ALB: variants seen among roughly 807,000 people sequenced by gnomAD.
ALB encodes the protein albumin, also known as serum albumin.
A neutral mutation model predicts 74.5 loss-of-function variants in ALB; 37 were observed. The ratio of observed to expected loss-of-function variants is 0.50; its 90% CI spans 0.38 to 0.65. The LOEUF is 0.65. Ranked by LOEUF, ALB falls within the 30% of genes least tolerant of loss-of-function variation. The pLI is 0.00. For missense variants in ALB, 685 were observed against 718.7 expected, an observed-to-expected ratio of 0.95 and a Z score of 0.54; for synonymous variants, 249 against 251.6, an observed-to-expected ratio of 0.99 and a Z score of 0.10.
rs1718738941 is a variant in ALB, at chr4:73,406,732, G to A, written c.241G>A (p.Glu81Lys). 1 of 1,613,724 alleles carries A rather than the reference G, an allele frequency of 6.2e-7. No homozygotes were observed. The highest frequency in any genetic ancestry group is 1.1e-5 in the South Asian group (1 of 91,074). The change falls in exon 3 of 15, where the codon GAG becomes AAG. Residue 81 changes from glutamate (E) to lysine (K), a missense_variant. Coordinates refer to ENST00000295897, the MANE Select transcript of ALB (RefSeq NM_000477.7). ...ATTTGCAAAAACATGTGTTGCTGAT[G>A]AGTCAGCTGAAAATTGTGACAAATC... Reference protein sequence around the residue: ...TEFAKTCVADESAENCDKSLH... With the variant: ...TEFAKTCVADKSAENCDKSLH...
chr4:73,409,595 G>C, intron 5 of ALB, 108 bp downstream of exon 5: 2 of 1,339,300 alleles, frequency 1.5e-6, no homozygotes, highest in African/African-American at 1.5e-5. Flanking sequence ...TTTCCGACAT[G>C]GTCAAAAAAG....
At chr4:73,406,453 A>G (rs183744889) in intron 2 of ALB, among the ~76,000 whole-genome samples, 176 bp from the exon 3 acceptor site, 104 of 152,346 alleles carry the variant, frequency 6.8e-4, no homozygotes, top group Non-Finnish European at 1.4e-3. Context: ...GTAGGAAGCC[A>G]CATATGCCTA....
At chr4:73,406,022 A>C (rs1718717744) in intron 2 of ALB, among the ~76,000 whole-genome samples, 1 of 152,066 alleles carries the variant, frequency 6.6e-6, no homozygotes, top group Non-Finnish European at 1.5e-5. Flanking sequence ...AGCACTTTGG[A>C]AGGCTGATGC....
At chr4:73,417,134 C>T (rs6810745) in intron 10 of ALB, among the ~76,000 whole-genome samples, 62,137 of 152,010 alleles carry the variant, frequency 0.41, 13,030 homozygotes, top group Admixed American at 0.52. Flanking sequence ...TACTTTACTA[C>T]TTTTAATTTA....
Position 73,406,704 on chromosome 4 carries a change from T to A in ALB, c.213T>A (p.Thr71=). The A allele has an allele frequency of 6.2e-7, 1 of 1,613,960 alleles. No individual in the cohort carries two copies. ...ATGTAAAATTAGTGAATGAAGTAAC[T>A]GAATTTGCAAAAACATGTGTTGCTG... is the stretch of plus-strand genomic sequence containing the variant. The part of the protein sequence containing the change: ...EDHVKLVNEV[T]EFAKTCVADE... The change falls in exon 3 of 15, where the codon ACT becomes ACA. Residue 71 remains threonine, a synonymous_variant. Transcript: ENST00000295897.
At chr4:73,404,551 G>A (rs1218941389) in intron 1 of ALB, 145 bp downstream of exon 1, 1 of 671,010 alleles carries the variant, frequency 1.5e-6, no homozygotes, top group South Asian at 1.8e-5. Flanking sequence ...AGTCTTACAA[G>A]GTTATCTTAT....
intron 5 of ALB, 75 bp from the exon 6 acceptor site, chr4:73,410,237 C>G: frequency 8.8e-7 from 1 of 1,139,936 alleles, no homozygotes; most frequent in Admixed American, 1.7e-5. Context: ...TTGGCACAGT[C>G]TCATCTGAGC....
chr4:73,420,313 G>A lies in ALB; in HGVS notation c.*15G>A. 6.2e-7 allele frequency: 1 copy of A among 1,604,306 alleles called. No individual in the cohort carries two copies. Among genetic ancestry groups the A allele is most frequent in the South Asian group, 1.1e-5 (1 of 90,464 alleles). On this transcript the variant is annotated 3_prime_UTR_variant, in exon 14 of 15. Transcript: ENST00000295897. Reference sequence around the variant, plus strand: ...TAGGCTTATAACATCACATTTAAAAGCATCTCAGGTAACTATATTTTGAAT... The same window carrying A: ...TAGGCTTATAACATCACATTTAAAAACATCTCAGGTAACTATATTTTGAAT...
chr4:73,404,518 G>A (rs1718670289), intron 1 of ALB, 112 bp downstream of exon 1: 1 of 914,252 alleles, frequency 1.1e-6, no homozygotes, highest in Non-Finnish European at 1.8e-6. Context: ...TTTCTAAAAT[G>A]GCATAGTATT....
At chr4:73,413,775 A>T in intron 8 of ALB, 141 bp downstream of exon 8, 2 of 805,208 alleles carry the variant, frequency 2.5e-6, no homozygotes, top group Non-Finnish European at 4.0e-6. Context: ...CCAGGCTTTA[A>T]CAATTTTTGA....
At chr4:73,420,362 G>GTTATTATT in intron 14 of ALB, 41 bp downstream of exon 14, 1 of 1,329,220 alleles carries the variant, frequency 7.5e-7, no homozygotes, top group Non-Finnish European at 1.1e-6. Context: ...AACTATAATA[G>GTTATTATT]TTATTATTAA....
In ALB at chr4:73,408,759, G is replaced by A; in HGVS notation, c.436G>A (p.Val146Met). 6.2e-7 allele frequency: 1 copy of A among 1,614,014 alleles called. No homozygotes were observed. Among genetic ancestry groups the A allele is most frequent in the Non-Finnish European group, 8.5e-7 (1 of 1,179,910 alleles). ...LPRLVRPEVD[V>M]MCTAFHDNEE... is the part of the protein sequence containing the mutation. ...CCGATTGGTGAGACCAGAGGTTGAT[G>A]TGATGTGCACTGCTTTTCATGACAA... Residue 146 changes from valine (V) to methionine (M), a missense_variant, in exon 4 of 15, where the codon GTG becomes ATG. Val to Met is a conservative substitution (Grantham distance 21). Coordinates refer to ENST00000295897, the MANE Select transcript of ALB (RefSeq NM_000477.7).
chr4:73,413,361 G>T, intron 7 of ALB, 59 bp from the exon 8 acceptor site: 1 of 1,454,984 alleles, frequency 6.9e-7, no homozygotes, highest in South Asian at 1.1e-5. Flanking sequence ...ATAAAGGTCT[G>T]AGGAGAAAGT....
Position 73,404,418 on chromosome 4 carries a change from A to G in ALB, c.79+12A>G, listed in dbSNP as rs778598878. 3 of 1,597,532 alleles carry G rather than the reference A, an allele frequency of 1.9e-6. No individual in the cohort carries two copies. Among genetic ancestry groups the G allele is most frequent in the Non-Finnish European group, 2.6e-6 (3 of 1,165,234 alleles). On this transcript the variant is annotated intron_variant, in intron 1 of 14. Coordinates refer to ENST00000295897, the MANE Select transcript of ALB (RefSeq NM_000477.7). The stretch of plus-strand genomic sequence containing the variant: ...TCGTCGAGATGCACGTAAGAAATCC[A>G]TTTTTCTATTGTTCAACTTTTATTC...
At position 73,420,702 on chromosome 4, in the gene ALB, A is replaced by G. The variant is rs896764308; in HGVS notation, c.*23+381A>G. The stretch of plus-strand genomic sequence containing the variant: ...TACTCTGGGAATTAGGCTGAACCAC[A>G]TGAAAGAGTGCTTTATAGGGCAAAA... On this transcript the variant is annotated intron_variant, in intron 14 of 14. Coordinates refer to ENST00000295897, the MANE Select transcript of ALB (RefSeq NM_000477.7). 1.5e-4 allele frequency: 40 copies of G among 272,450 alleles called. No individual in the cohort carries two copies. The Admixed American group carries it at 1.7e-3, about 12-fold the overall frequency. 16.9% of individuals were successfully genotyped at this position (272,450 alleles called of 1,614,324 possible). A position where few individuals can be genotyped will look rare whatever the true frequency, so the allele number is the denominator to read the frequency against.
chr4:73,414,887 G>A, intron 8 of ALB, 148 bp from the exon 9 acceptor site: 2 of 930,176 alleles, frequency 2.2e-6, no homozygotes, highest in Non-Finnish European at 3.3e-6. Context: ...TTTAACTCTG[G>A]ACCCCAAGTC....
Position 73,405,052 on chromosome 4 carries a change from G to A in ALB, c.80-64G>A, listed in dbSNP as rs1043587267. 5.5e-6 allele frequency: 8 copies of A among 1,452,620 alleles called. No individual in the cohort carries two copies. The African/African-American group carries it at 5.6e-5, about 10-fold the overall frequency. 90.0% of individuals were successfully genotyped at this position (1,452,620 alleles called of 1,614,324 possible). ...AGTCAAATGGAAAGAAATATAAAAA[G>A]TAACATTATTACTTCTTGTTTTCTT... On this transcript the variant is annotated intron_variant, in intron 1 of 14. Transcript: ENST00000295897.
chr4:73,419,825 C>T (rs1486095715), intron 13 of ALB, among the ~76,000 whole-genome samples, 186 bp downstream of exon 13: 1 of 152,052 alleles, frequency 6.6e-6, no homozygotes, highest in Non-Finnish European at 1.5e-5. Context: ...CTCTATTGTG[C>T]CATACTGTTA....
intron 1 of ALB, 48 bp from the exon 2 acceptor site, chr4:73,405,068 T>A: frequency 6.6e-7 from 1 of 1,520,872 alleles, no homozygotes; most frequent in Non-Finnish European, 9.1e-7. Flanking sequence ...TTATTACTTC[T>A]TGTTTTCTTC....
Sources: allele counts gnomAD v4.1 joint callset (sites outside exome capture counted in the v4.1 genomes callset), GRCh38; gene constraint gnomAD v4.1.1; transcripts MANE v1.5; gene names NCBI Gene and HGNC (gene_info 2026-07-23, HGNC 2026-07-21).